The following WARS1 variants were observed in gnomAD, a reference collection of about 807,000 sequenced individuals.
The protein encoded by WARS1 is tryptophan--tRNA ligase, cytoplasmic.
A neutral mutation model predicts 47.8 loss-of-function variants in WARS1; 17 were observed. The observed-to-expected ratio is 0.36, with a 90% CI of 0.24 to 0.53. The LOEUF (loss-of-function observed/expected upper bound fraction) is 0.53, where lower values mean the gene tolerates loss of function less well. WARS1 is among the 20% of genes least tolerant of loss of function. The pLI, the probability that WARS1 is intolerant of heterozygous loss-of-function variation, is 0.91. For missense variants in WARS1, 434 were observed against 608.0 expected (o/e 0.71, Z 3.01); for synonymous variants, 208 against 228.1 (o/e 0.91, Z 0.79).
intron 6 of WARS1, among the ~76,000 whole-genome samples, chr14:100,347,117 A>AATC (rs1351906221): frequency 2.2e-4 from 33 of 152,244 alleles, no homozygotes; most frequent in Admixed American, 1.8e-3. Context: ...CATACAAACA[A>AATC]GGCAAGAACA....
At chr14:100,337,759 G>C (rs1893848941) in intron 9 of WARS1, among the ~76,000 whole-genome samples, 2 of 151,868 alleles carry the variant, frequency 1.3e-5, no homozygotes, top group South Asian at 2.1e-4. Context: ...TCGGGAGGCT[G>C]AGGTGGAAGG....
chr14:100,337,966 C>T (rs1566833978), intron 9 of WARS1, among the ~76,000 whole-genome samples: 1 of 152,066 alleles, frequency 6.6e-6, no homozygotes, highest in East Asian at 1.9e-4. Context: ...GGGATAGGTA[C>T]TGCAGTGTTA....
intron 6 of WARS1, among the ~76,000 whole-genome samples, chr14:100,351,790 G>C (rs974659937): frequency 1.3e-5 from 2 of 151,996 alleles, no homozygotes; most frequent in African/African-American, 4.8e-5. Context: ...TCAGAAGATC[G>C]AGACCATCCT....
At chr14:100,343,928 C>A (rs543270640) in intron 7 of WARS1, among the ~76,000 whole-genome samples, 1 of 152,200 alleles carries the variant, frequency 6.6e-6, no homozygotes, top group Admixed American at 6.5e-5. Context: ...CCACGGCGCC[C>A]GGCCTTCCTT....
chr14:100,361,697 A>G lies in WARS1; in HGVS notation c.313+11T>C, dbSNP rs1895671348. ...TTGCAGCTTTTTCTGGGAAGAAAGC[A>G]GAGGACGTACCAATGAGCTTATCGT... On this transcript the variant is annotated intron_variant, in intron 3 of 10. Coordinates refer to ENST00000392882, the MANE Select transcript of WARS1 (RefSeq NM_004184.4). The G allele has an allele frequency of 6.2e-7, 1 of 1,611,434 alleles. No individual in the cohort carries two copies. Among genetic ancestry groups the G allele is most frequent in the South Asian group, 1.1e-5 (1 of 90,862 alleles).
At chr14:100,372,837 T>G (rs546915157) in intron 1 of WARS1, among the ~76,000 whole-genome samples, 2 of 152,204 alleles carry the variant, frequency 1.3e-5, no homozygotes, top group Non-Finnish European at 2.9e-5. Flanking sequence ...CTTGCTCATG[T>G]GCTCTCTCAG....
intron 9 of WARS1, chr14:100,342,193 C>T (rs758450051): frequency 8.8e-6 from 6 of 680,102 alleles, no homozygotes; most frequent in South Asian, 8.1e-5. Flanking sequence ...TGAAAGGACA[C>T]AAAACAAATT....
intron 10 of WARS1, among the ~76,000 whole-genome samples, chr14:100,336,101 CT>C (rs1250479670): frequency 1.3e-5 from 2 of 151,844 alleles, no homozygotes; most frequent in African/African-American, 4.8e-5. Flanking sequence ...CGGTAAAACC[CT>C]GTCTCTACTA....
intron 2 of WARS1, among the ~76,000 whole-genome samples, chr14:100,362,687 C>G (rs186569655): frequency 6.6e-6 from 1 of 152,186 alleles, no homozygotes; most frequent in East Asian, 1.9e-4. Flanking sequence ...CCCTAAAGCT[C>G]TATTCTGGTA....
chr14:100,335,097 T>C (rs1893625879), intron 10 of WARS1, 61 bp from the exon 11 acceptor site: 1 of 1,555,810 alleles, frequency 6.4e-7, no homozygotes, highest in Non-Finnish European at 8.7e-7. Context: ...GGCTCCTTCC[T>C]GCCTCGGGCA....
At position 100,369,178 on chromosome 14, in the gene WARS1, T is replaced by C. The variant is rs1168127895; in HGVS notation, c.8A>G (p.Asn3Ser). The C allele has an allele frequency of 2.0e-6, 3 of 1,485,952 alleles. No homozygotes were observed. Among genetic ancestry groups the C allele is most frequent in the Non-Finnish European group, 2.7e-6 (3 of 1,099,820 alleles). 92.0% of individuals were successfully genotyped at this position (1,485,952 alleles called of 1,614,324 possible). The change falls in exon 2 of 11, where the codon AAC (asparagine) becomes AGC (serine). Residue 3 changes from asparagine to serine, a missense_variant. Physicochemically the swap from Asn to Ser is conservative, Grantham distance 46. This residue lies in a region of WARS1 where 87 missense variants were observed against 84.2 expected (regional missense o/e 1.03). Coordinates refer to ENST00000392882, the MANE Select transcript of WARS1 (RefSeq NM_004184.4). MPNSEPASLLELF... is the reference protein window; with the variant it reads MPSSEPASLLELF... Reference sequence around the variant, plus strand: ...CTCCAGCAGAGATGCGGGCTCACTGTTGGGCATGTTTGCTATCTCTCAGGA... The same window carrying C: ...CTCCAGCAGAGATGCGGGCTCACTGCTGGGCATGTTTGCTATCTCTCAGGA...
rs1056440785 is a variant in WARS1 at position 100,373,567 on chromosome 14, C to A, written c.-74+1716G>T. Among the ~76,000 whole-genome samples, 4 of 152,226 alleles carry A rather than the reference C, an allele frequency of 2.6e-5. No homozygotes were observed. Among genetic ancestry groups the A allele is most frequent in the Middle Eastern group, 3.4e-3 (1 of 294 alleles). ...CCTTAAAAATTCCAGGGGAAAGTGC[C>A]AGGTAGAATGCCTGAGTGATCCCAG... is the stretch of plus-strand genomic sequence containing the variant. On this transcript the variant is annotated intron_variant, in intron 1 of 10. Transcript: ENST00000392882. This position sits in a 1 kb window ranked among gnomAD's most constrained non-coding sequence, Gnocchi z 4.4.
In WARS1 at chr14:100,346,804, C is replaced by T. The variant is rs1233295776; in HGVS notation, c.768G>A (p.Lys256=). 1.2e-6 allele frequency: 2 copies of T among 1,614,124 alleles called. No individual in the cohort carries two copies. Among genetic ancestry groups the T allele is most frequent in the East Asian group, 2.2e-5 (1 of 44,880 alleles). ...CTTTCACTTGGTTGAAGGTAACATG[C>T]TTTTGAATCTTCACCACATTTTTGT... ...GFYKNVVKIQ[K]HVTFNQVKGI... The change falls in exon 7 of 11, where the codon AAG becomes AAA. Residue 256 remains lysine, a synonymous_variant. Coordinates refer to ENST00000392882, the MANE Select transcript of WARS1 (RefSeq NM_004184.4).
At chr14:100,352,775 C>T (rs1895078517) in intron 6 of WARS1, 1 of 152,208 alleles carries the variant, frequency 6.6e-6, no homozygotes, top group Non-Finnish European at 1.5e-5. Context: ...AACTCAGGTG[C>T]TCAAGAAATA....
intron 1 of WARS1, among the ~76,000 whole-genome samples, chr14:100,371,712 G>A (rs2140098470): frequency 6.6e-6 from 1 of 152,246 alleles, no homozygotes; most frequent in East Asian, 1.9e-4. Context: ...TCCAACCTGG[G>A]CAACAGAGAG....
chr14:100,361,660 C>T (rs1323620519), intron 3 of WARS1, 48 bp downstream of exon 3: 1 of 1,576,854 alleles, frequency 6.3e-7, no homozygotes, highest in African/African-American at 1.4e-5. Flanking sequence ...TCAATGGGAC[C>T]ACTTCTAAAA....
intron 6 of WARS1, among the ~76,000 whole-genome samples, chr14:100,348,928 G>A (rs187427429): frequency 2.6e-5 from 4 of 152,318 alleles, no homozygotes; most frequent in East Asian, 1.9e-4. Flanking sequence ...GTGCTGCACC[G>A]TGAGCACGTG....
Position 100,354,525 on chromosome 14 carries a change from G to A in WARS1, c.464C>T (p.Pro155Leu), listed in dbSNP as rs750380693. The change falls in exon 5 of 11, where the codon CCA becomes CTA. Residue 155 changes from proline to leucine, a missense_variant. Coordinates refer to ENST00000392882, the MANE Select transcript of WARS1 (RefSeq NM_004184.4). ...QVLDAYENKKPFYLYTGRGPS... is the reference protein window; with the variant it reads ...QVLDAYENKKLFYLYTGRGPS... ...GCCCCGGCCCGTGTACAGATAAAAT[G>A]GCTTCTTATTTTCATAGGCATCAAG... 1 of 1,613,784 alleles carries A rather than the reference G, an allele frequency of 6.2e-7. No homozygotes were observed. Among genetic ancestry groups the A allele is most frequent in the East Asian group, 2.2e-5 (1 of 44,886 alleles).
chr14:100,361,971 AT>A lies in WARS1; in HGVS notation c.100-51del. ...GCTAAAAGTATTACTAATAGCTGAT[AT>A]GTGCTGAATGCCTATTCTGTGGCAG... On this transcript the variant is annotated intron_variant, in intron 2 of 10. Coordinates refer to ENST00000392882, the MANE Select transcript of WARS1 (RefSeq NM_004184.4). The A allele has an allele frequency of 1.9e-6, 3 of 1,568,736 alleles. No homozygotes were observed. The South Asian group carries it at 3.4e-5, about 18-fold the overall frequency.
Sources: allele counts gnomAD v4.1 joint callset (sites outside exome capture counted in the v4.1 genomes callset), GRCh38; gene constraint gnomAD v4.1.1; regional missense constraint gnomAD v4.1.1; non-coding constraint Gnocchi (gnomAD v3.1); transcripts MANE v1.5; gene names NCBI Gene and HGNC (gene_info 2026-07-23, HGNC 2026-07-21).